The following UVRAG variants were observed in gnomAD, a reference collection of about 807,000 sequenced individuals.
UVRAG encodes the protein UV radiation resistance-associated gene protein.
In UVRAG, 19 loss-of-function variants were observed where a neutral mutation model predicts 78.0. The ratio of observed to expected loss-of-function variants is 0.24; its 90% CI spans 0.17 to 0.36. UVRAG has a LOEUF of 0.36. Ranked by LOEUF, UVRAG falls within the 10% of genes least tolerant of loss-of-function variation. The pLI is 1.00. For synonymous variants in UVRAG, 323 were observed against 324.6 expected (o/e 1.00, Z 0.05); for missense variants, 740 against 853.8 (o/e 0.87, Z 1.66).
chr11:76,137,577 A>AAT, intron 14 of UVRAG: 1 of 404,714 alleles, frequency 2.5e-6, no homozygotes, highest in Non-Finnish European at 4.9e-6. Flanking sequence ...TCTCTCCAAA[A>AAT]ATAACTAATT....
intron 6 of UVRAG, chr11:75,916,748 G>T (rs962100097): frequency 6.6e-6 from 1 of 152,222 alleles, no homozygotes; most frequent in Non-Finnish European, 1.5e-5. Context: ...AGTTTGGTAG[G>T]CAGAGGTCTA....
At chr11:76,071,031 A>C (rs984419049) in intron 13 of UVRAG, among the ~76,000 whole-genome samples, 1 of 152,198 alleles carries the variant, frequency 6.6e-6, no homozygotes, top group African/African-American at 2.4e-5. Flanking sequence ...TATGTGAATC[A>C]TATCTCAATA....
At chr11:75,911,276 C>T (rs1947731144) in intron 5 of UVRAG, 1 of 162,586 alleles carries the variant, frequency 6.2e-6, no homozygotes, top group African/African-American at 2.4e-5. Flanking sequence ...TTTACTGCCT[C>T]TCTCCTGAGT....
intron 7 of UVRAG, among the ~76,000 whole-genome samples, chr11:75,964,277 T>G (rs1350386144): frequency 1.3e-5 from 2 of 152,212 alleles, no homozygotes; most frequent in Non-Finnish European, 2.9e-5. Flanking sequence ...TTGGGAAGTG[T>G]TTTCTCCCTT....
At chr11:76,104,441 T>C (rs1052630520) in intron 13 of UVRAG, among the ~76,000 whole-genome samples, 3 of 152,178 alleles carry the variant, frequency 2.0e-5, no homozygotes, top group Admixed American at 1.3e-4. Context: ...CGTGATAGTG[T>C]TGTAGTGAGG....
chr11:75,948,641 G>A (rs570716323), intron 6 of UVRAG, among the ~76,000 whole-genome samples: 2 of 152,212 alleles, frequency 1.3e-5, no homozygotes, highest in East Asian at 1.9e-4. Flanking sequence ...TGTAGATCAC[G>A]CCTTTTTAGA....
At chr11:75,920,020 T>G (rs1183486247) in intron 6 of UVRAG, among the ~76,000 whole-genome samples, 5 of 96,868 alleles carry the variant, frequency 5.2e-5, no homozygotes, top group African/African-American at 1.1e-4. Flanking sequence ...TTTTTTTTTT[T>G]TTTTTTTTTT....
chr11:76,097,515 C>A (rs1195464592), intron 13 of UVRAG, among the ~76,000 whole-genome samples: 1 of 152,186 alleles, frequency 6.6e-6, no homozygotes, highest in African/African-American at 2.4e-5. Context: ...GGTGTTCCTT[C>A]TCTGCGTTCC....
At chr11:75,840,094 A>G (rs1458515941) in intron 1 of UVRAG, among the ~76,000 whole-genome samples, 1 of 151,950 alleles carries the variant, frequency 6.6e-6, no homozygotes, top group Non-Finnish European at 1.5e-5. Context: ...TATCTTCTGT[A>G]GGTCATCCTG....
chr11:76,080,146 A>G (rs1403722719), intron 13 of UVRAG, among the ~76,000 whole-genome samples: 7 of 152,170 alleles, frequency 4.6e-5, no homozygotes, highest in Admixed American at 6.5e-5. Flanking sequence ...CACCTCTTAA[A>G]GGTTCCACCC....
intron 5 of UVRAG, among the ~76,000 whole-genome samples, chr11:75,909,753 A>G (rs1017694940): frequency 4.6e-5 from 7 of 152,188 alleles, no homozygotes; most frequent in Non-Finnish European, 7.3e-5. Context: ...CCAGTTAATA[A>G]TATGTCTTTT....
chr11:75,906,736 A>G (rs1947624010), intron 5 of UVRAG, among the ~76,000 whole-genome samples: 1 of 152,244 alleles, frequency 6.6e-6, no homozygotes, highest in African/African-American at 2.4e-5. Flanking sequence ...TCATTCTTTT[A>G]AAAGTGGCTA....
chr11:75,850,114 C>T (rs1234900510), intron 1 of UVRAG, among the ~76,000 whole-genome samples: 2 of 151,846 alleles, frequency 1.3e-5, no homozygotes, highest in African/African-American at 4.9e-5. Flanking sequence ...CAAAGTTACA[C>T]TCCTATGCAA....
At chr11:75,924,706 A>G (rs988632322) in intron 6 of UVRAG, among the ~76,000 whole-genome samples, 1 of 152,146 alleles carries the variant, frequency 6.6e-6, no homozygotes, top group African/African-American at 2.4e-5. Flanking sequence ...TTGTTTTTAA[A>G]TTAACTGCAG....
At chr11:75,961,302 A>G in intron 6 of UVRAG, 142 bp from the exon 7 acceptor site, 2 of 649,408 alleles carry the variant, frequency 3.1e-6, no homozygotes, top group Non-Finnish European at 5.1e-6. Context: ...CTGTTATTTC[A>G]TTGCGAATAT....
At chr11:76,092,516 T>TA (rs1359285197) in intron 13 of UVRAG, among the ~76,000 whole-genome samples, 6 of 152,348 alleles carry the variant, frequency 3.9e-5, no homozygotes, top group South Asian at 4.1e-4. Flanking sequence ...CCTGACTTTT[T>TA]AATGATCGCC....
chr11:75,875,470 GTTT>G (rs111600154), intron 3 of UVRAG, among the ~76,000 whole-genome samples: 1 of 137,302 alleles, frequency 7.3e-6, no homozygotes, highest in Admixed American at 7.3e-5. Context: ...CTGTGAATTA[GTTT>G]TTTTTTTTTT....
At chr11:75,878,279 C>T (rs1293680611) in intron 3 of UVRAG, 13 of 199,770 alleles carry the variant, frequency 6.5e-5, no homozygotes, top group African/African-American at 2.4e-4. Context: ...CGGGCAGAGA[C>T]GCTCCTCACT....
intron 14 of UVRAG, among the ~76,000 whole-genome samples, chr11:76,119,498 GAGTATTAGAA>G (rs1952239168): frequency 6.6e-6 from 1 of 152,038 alleles, no homozygotes; most frequent in Non-Finnish European, 1.5e-5. Flanking sequence ...CTGCCCCTGG[GAGTATTAGAA>G]GCATCTCAGC....
Sources: gnomAD v4.1 joint callset for allele counts (sites outside exome capture counted in the v4.1 genomes callset) on GRCh38, gnomAD v4.1.1 for gene constraint, MANE v1.5 for transcripts, NCBI Gene and HGNC (gene_info 2026-07-23, HGNC 2026-07-21) for gene names.